FSIP1: variants seen among roughly 807,000 people sequenced by gnomAD.
The protein encoded by FSIP1 is fibrous sheath interacting protein 1, also known as fibrous sheath-interacting protein 1.
FSIP1 carries 65 observed loss-of-function variants against 60.9 expected under a neutral mutation model. The observed-to-expected ratio is 1.07, with a 90% CI of 0.87 to 1.31. FSIP1 has a LOEUF of 1.31. Ranked by LOEUF, FSIP1 falls within the 40% of genes most tolerant of loss-of-function variation. The pLI is 0.00. For missense variants in FSIP1, 675 were observed against 665.5 expected (o/e 1.01, Z -0.16); for synonymous variants, 209 against 221.2 (o/e 0.94, Z 0.49).
chr15:39,762,735 A>C (rs1373328910), intron 5 of FSIP1, among the ~76,000 whole-genome samples: 2 of 152,222 alleles, frequency 1.3e-5, no homozygotes, highest in East Asian at 1.9e-4. Context: ...GAAATGGCAT[A>C]GTATCATTTT....
intron 11 of FSIP1, among the ~76,000 whole-genome samples, chr15:39,617,511 C>T (rs1479249648): frequency 6.6e-6 from 1 of 152,134 alleles, no homozygotes; most frequent in Non-Finnish European, 1.5e-5. Flanking sequence ...TTCTGGATGA[C>T]ACAATTAATT....
At chr15:39,687,051 T>C (rs1334963690) in intron 10 of FSIP1, among the ~76,000 whole-genome samples, 1 of 151,922 alleles carries the variant, frequency 6.6e-6, no homozygotes, top group Non-Finnish European at 1.5e-5. Flanking sequence ...ATCTGTGTCC[T>C]TCCCTGCTTT....
intron 10 of FSIP1, among the ~76,000 whole-genome samples, chr15:39,673,122 A>G (rs1893785859): frequency 1.3e-5 from 2 of 152,236 alleles, no homozygotes; most frequent in South Asian, 4.1e-4. Context: ...AAGTCTCACA[A>G]CCAAAAACTG....
intron 10 of FSIP1, among the ~76,000 whole-genome samples, chr15:39,684,628 T>C (rs904537288): frequency 2.6e-5 from 4 of 152,206 alleles, no homozygotes; most frequent in Admixed American, 1.3e-4. Flanking sequence ...TAAAATAGAA[T>C]GTCTTTTCCT....
intron 8 of FSIP1, among the ~76,000 whole-genome samples, chr15:39,728,312 A>G (rs1896276282): frequency 6.6e-6 from 1 of 152,220 alleles, no homozygotes; most frequent in African/African-American, 2.4e-5. Flanking sequence ...GAAACCAGAA[A>G]AGAGCCTGGA....
chr15:39,624,518 T>C (rs1891560192), intron 10 of FSIP1, among the ~76,000 whole-genome samples: 1 of 152,214 alleles, frequency 6.6e-6, no homozygotes, highest in Non-Finnish European at 1.5e-5. Context: ...CTCTTTTGGA[T>C]TAAACACATC....
At chr15:39,684,945 C>T (rs1204902848) in intron 10 of FSIP1, among the ~76,000 whole-genome samples, 2 of 152,198 alleles carry the variant, frequency 1.3e-5, no homozygotes, top group South Asian at 2.1e-4. Flanking sequence ...CAGGGCAGAG[C>T]AGGGACTCAA....
chr15:39,738,861 C>G (rs1374880214), intron 7 of FSIP1, among the ~76,000 whole-genome samples: 1 of 152,162 alleles, frequency 6.6e-6, no homozygotes, highest in Non-Finnish European at 1.5e-5. Flanking sequence ...GGCAGGCTGC[C>G]CCACGAATCC....
chr15:39,760,060 C>T (rs1341699395), intron 5 of FSIP1, among the ~76,000 whole-genome samples: 1 of 152,000 alleles, frequency 6.6e-6, no homozygotes, highest in Non-Finnish European at 1.5e-5. Flanking sequence ...GTCACTGCAA[C>T]ATGTGTAATT....
chr15:39,739,622 C>T, intron 7 of FSIP1, 43 bp downstream of exon 7: 1 of 1,557,614 alleles, frequency 6.4e-7, no homozygotes, highest in South Asian at 1.2e-5. Context: ...TTTTTCAACT[C>T]ATTTAGCCCC....
At position 39,726,634 on chromosome 15, in the gene FSIP1, A is replaced by AGG. The variant is rs759611047; in HGVS notation, c.1003_1004dup (p.Thr336LeufsTer28). ...GTCTTGGAGAAAAACTGGAAATTGT[A>AGG]GGGGAGGCTGCAGAGAGTTCTTGGA... On this transcript the variant is annotated frameshift_variant, in exon 9 of 12. Coordinates refer to ENST00000350221, the MANE Select transcript of FSIP1 (RefSeq NM_152597.5). LOFTEE classifies it high-confidence loss of function. 6.2e-7 allele frequency: 1 copy of AGG among 1,614,102 alleles called. No individual in the cohort carries two copies. Among genetic ancestry groups the AGG allele is most frequent in the South Asian group, 1.1e-5 (1 of 91,078 alleles).
At chr15:39,606,940 G>T (rs1890847855) in intron 11 of FSIP1, among the ~76,000 whole-genome samples, 1 of 152,168 alleles carries the variant, frequency 6.6e-6, no homozygotes, top group Non-Finnish European at 1.5e-5. Context: ...CTAACTCACA[G>T]ACCTGATCCT....
At chr15:39,737,792 T>C (rs1896663084) in intron 8 of FSIP1, among the ~76,000 whole-genome samples, 1 of 152,116 alleles carries the variant, frequency 6.6e-6, no homozygotes, top group African/African-American at 2.4e-5. Context: ...CTAGTACTCA[T>C]TAGTTATTTT....
chr15:39,755,027 G>A (rs559423393), intron 5 of FSIP1, among the ~76,000 whole-genome samples: 25 of 152,060 alleles, frequency 1.6e-4, no homozygotes, highest in African/African-American at 5.8e-4. Flanking sequence ...CCTTTAAGGA[G>A]AAGAGGGAAA....
At chr15:39,621,027 T>C (rs1413243667) in intron 10 of FSIP1, among the ~76,000 whole-genome samples, 1 of 142,756 alleles carries the variant, frequency 7.0e-6, no homozygotes, top group Non-Finnish European at 1.5e-5. Flanking sequence ...GAAATTTATA[T>C]AATCTTGAAG....
At chr15:39,706,533 C>A (rs1032479610) in intron 10 of FSIP1, among the ~76,000 whole-genome samples, 1 of 152,150 alleles carries the variant, frequency 6.6e-6, no homozygotes, top group African/African-American at 2.4e-5. Flanking sequence ...ATACAATAAG[C>A]AATGATCTCT....
intron 10 of FSIP1, among the ~76,000 whole-genome samples, chr15:39,664,044 T>A (rs1893402056): frequency 6.6e-6 from 1 of 152,122 alleles, no homozygotes; most frequent in Admixed American, 6.5e-5. Context: ...GAGCAGTACA[T>A]CCCGCAGCAT....
At chr15:39,689,083 C>A (rs1406470429) in intron 10 of FSIP1, among the ~76,000 whole-genome samples, 1 of 152,156 alleles carries the variant, frequency 6.6e-6, no homozygotes, top group Non-Finnish European at 1.5e-5. Flanking sequence ...ATCCACTCTT[C>A]AGGTTCAACA....
intron 10 of FSIP1, among the ~76,000 whole-genome samples, chr15:39,647,926 C>G (rs1465451433): frequency 6.9e-6 from 1 of 144,470 alleles, no homozygotes; most frequent in African/African-American, 2.6e-5. Flanking sequence ...GCCCTTTAAT[C>G]AAAAGTAAGT....
Sources: gnomAD v4.1 joint callset for allele counts (sites outside exome capture counted in the v4.1 genomes callset) on GRCh38, gnomAD v4.1.1 for gene constraint, MANE v1.5 for transcripts, NCBI Gene and HGNC (gene_info 2026-07-23, HGNC 2026-07-21) for gene names.